MYO5B: variants seen among roughly 807,000 people sequenced by gnomAD.
MYO5B encodes unconventional myosin-Vb.
MYO5B carries 143 observed loss-of-function variants against 229.3 expected under a neutral mutation model. The ratio of observed to expected loss-of-function variants is 0.62; its 90% CI spans 0.54 to 0.72. The LOEUF (loss-of-function observed/expected upper bound fraction) is 0.72, where lower values mean the gene tolerates loss of function less well. Among genes scored for constraint, MYO5B ranks in the 30% least tolerant of loss-of-function variants. The pLI, the probability that MYO5B is intolerant of heterozygous loss-of-function variation, is 0.00. For synonymous variants in MYO5B, 918 were observed against 885.2 expected, an observed-to-expected ratio of 1.04 and a Z score of -0.66; for missense variants, 2,321 against 2,331.0, an observed-to-expected ratio of 1.00 and a Z score of 0.09.
chr18:49,944,488 A>G (rs1211655939), intron 14 of MYO5B, among the ~76,000 whole-genome samples: 1 of 152,172 alleles, frequency 6.6e-6, no homozygotes, highest in Non-Finnish European at 1.5e-5. Flanking sequence ...CCTAGCAGTG[A>G]GCTCAGAAGT....
intron 2 of MYO5B, among the ~76,000 whole-genome samples, chr18:50,048,548 A>ATCACTTC (rs2030300783): frequency 6.6e-6 from 1 of 152,118 alleles, no homozygotes; most frequent in African/African-American, 2.4e-5. Flanking sequence ...CTCTCCTTCC[A>ATCACTTC]CCTGAAGTGA....
At chr18:49,906,180 G>C (rs377590616) in intron 19 of MYO5B, among the ~76,000 whole-genome samples, 6 of 152,308 alleles carry the variant, frequency 3.9e-5, no homozygotes, top group South Asian at 2.1e-4. Flanking sequence ...TCTAATGCTG[G>C]TAGGATGGAG....
intron 31 of MYO5B, chr18:49,849,903 G>C (rs941160143): frequency 3.9e-6 from 2 of 515,836 alleles, no homozygotes; most frequent in African/African-American, 3.9e-5. Flanking sequence ...TCCCAGGTCA[G>C]GCTCTCTGGC....
chr18:49,957,217 A>C (rs969390919), intron 12 of MYO5B, among the ~76,000 whole-genome samples: 1 of 135,916 alleles, frequency 7.4e-6, no homozygotes, highest in Non-Finnish European at 1.6e-5. Flanking sequence ...AGCCCCTCTC[A>C]ATGTTCCCTG....
Position 49,879,059 on chromosome 18 carries a change from A to T in MYO5B, c.3162T>A (p.Asn1054Lys). The T allele has an allele frequency of 6.4e-7, 1 of 1,569,904 alleles. No individual in the cohort carries two copies. The highest frequency in any genetic ancestry group is 1.4e-5 in the African/African-American group (1 of 71,378). Residue 1054 changes from asparagine to lysine, a missense_variant, in exon 24 of 40, where the codon AAT (asparagine) becomes AAA (lysine). By Grantham distance (94) the Asn-to-Lys change is moderately conservative. This residue lies in a region of MYO5B where 2,113 missense variants were observed against 2,044.7 expected (regional missense o/e 1.03). Transcript: ENST00000285039. ...CCTCCTCCAGTTCTTTCTTCATGAG[A>T]TTTTCCTTCACAGAGTTCTGGGCAA... ...DEFAQNSVKE[N>K]LMKKELEEER...
chr18:49,917,430 C>G (rs1405108287), intron 17 of MYO5B, among the ~76,000 whole-genome samples: 1 of 151,364 alleles, frequency 6.6e-6, no homozygotes, highest in Non-Finnish European at 1.5e-5. Flanking sequence ...ACCCCATTCA[C>G]TGAGACATCA....
At chr18:49,868,099 G>GAAAA (rs146164262) in intron 27 of MYO5B, among the ~76,000 whole-genome samples, 1 of 151,638 alleles carries the variant, frequency 6.6e-6, no homozygotes, top group Admixed American at 6.6e-5. Flanking sequence ...AAAAAAAGCA[G>GAAAA]AAAAATTATA....
intron 2 of MYO5B, among the ~76,000 whole-genome samples, chr18:50,041,809 T>C (rs2144392861): frequency 6.6e-6 from 1 of 152,226 alleles, no homozygotes; most frequent in African/African-American, 2.4e-5. Flanking sequence ...AAACCTATCA[T>C]AAAACCTACC....
chr18:50,052,430 T>C (rs931130189), intron 2 of MYO5B, among the ~76,000 whole-genome samples: 40 of 149,196 alleles, frequency 2.7e-4, no homozygotes, highest in Non-Finnish European at 4.6e-4. Context: ...TTGGAAATCA[T>C]CATTCTCAGT....
intron 1 of MYO5B, among the ~76,000 whole-genome samples, chr18:50,176,516 C>A (rs559690553): frequency 6.6e-6 from 1 of 152,192 alleles, no homozygotes; most frequent in African/African-American, 2.4e-5. Context: ...ATAGTTGCCA[C>A]TGTTACTTAG....
chr18:50,142,385 G>A (rs901860467), intron 1 of MYO5B, among the ~76,000 whole-genome samples: 2 of 152,158 alleles, frequency 1.3e-5, no homozygotes, highest in Non-Finnish European at 2.9e-5. Context: ...AAACTGTAAG[G>A]AAGTGCAATT....
At chr18:50,093,180 CCACACACACACACACACACACACACAGA>C (rs2031482952) in intron 1 of MYO5B, among the ~76,000 whole-genome samples, 4 of 148,636 alleles carry the variant, frequency 2.7e-5, no homozygotes, top group Admixed American at 1.4e-4. Flanking sequence ...GAGCTTTGTG[CCACACACACACACACACACACACACAGA>C]CACACACACA....
intron 21 of MYO5B, among the ~76,000 whole-genome samples, chr18:49,895,818 C>T (rs561887312): frequency 1.3e-5 from 2 of 152,226 alleles, no homozygotes; most frequent in African/African-American, 4.8e-5. Context: ...TCAGGCAACA[C>T]ACAGGTGTGA....
chr18:49,922,412 C>G (rs531270223), intron 17 of MYO5B, among the ~76,000 whole-genome samples: 2 of 152,286 alleles, frequency 1.3e-5, no homozygotes, highest in South Asian at 4.1e-4. Context: ...CCTGCCCTCT[C>G]ACCGCTCATC....
chr18:49,939,155 T>TC (rs1568038932), intron 14 of MYO5B, among the ~76,000 whole-genome samples: 11 of 148,682 alleles, frequency 7.4e-5, no homozygotes, highest in Non-Finnish European at 1.0e-4. Context: ...TTTCTTTTTT[T>TC]TTTTTTTTTT....
At chr18:50,001,096 C>A (rs896692052) in intron 5 of MYO5B, among the ~76,000 whole-genome samples, 159 bp downstream of exon 5, 2 of 152,210 alleles carry the variant, frequency 1.3e-5, no homozygotes, top group Non-Finnish European at 2.9e-5. Flanking sequence ...AGGTCAACAT[C>A]CATGGTTTTA....
At chr18:49,966,100 T>C (rs2025622182) in intron 10 of MYO5B, among the ~76,000 whole-genome samples, 1 of 152,108 alleles carries the variant, frequency 6.6e-6, no homozygotes, top group South Asian at 2.1e-4. Context: ...AGATAGCACC[T>C]GTGCAGAGGG....
intron 2 of MYO5B, among the ~76,000 whole-genome samples, chr18:50,053,431 T>G (rs1032021159): frequency 1.3e-5 from 2 of 152,202 alleles, no homozygotes; most frequent in Non-Finnish European, 2.9e-5. Context: ...GTGCAACTTT[T>G]TAAAAACACC....
chr18:49,854,871 C>T (rs545578831), intron 30 of MYO5B, among the ~76,000 whole-genome samples: 1 of 152,286 alleles, frequency 6.6e-6, no homozygotes, highest in Admixed American at 6.5e-5. Flanking sequence ...TAAGCAACCA[C>T]ATTTTATGTA....
Sources: gnomAD v4.1 joint callset for allele counts (sites outside exome capture counted in the v4.1 genomes callset) on GRCh38, gnomAD v4.1.1 for gene constraint, gnomAD v4.1.1 regional missense constraint, MANE v1.5 for transcripts, NCBI Gene and HGNC (gene_info 2026-07-23, HGNC 2026-07-21) for gene names.